Variants in SSH1 observed in about 807,000 individuals in gnomAD.
SSH1 encodes protein phosphatase Slingshot homolog 1.
SSH1 carries 43 observed loss-of-function variants against 79.7 expected under a neutral mutation model. That is an observed-to-expected ratio of 0.54 (90% CI 0.42 to 0.70). The LOEUF is 0.70. Among genes scored for constraint, SSH1 ranks in the 30% least tolerant of loss-of-function variants. The pLI is 0.00. For synonymous variants in SSH1, 599 were observed against 538.3 expected (o/e 1.11, Z -1.56); for missense variants, 1,206 against 1,358.8 (o/e 0.89, Z 1.77).
At chr12:108,800,967 G>A in intron 11 of SSH1, 41 bp from the exon 12 acceptor site, 1 of 1,583,216 alleles carries the variant, frequency 6.3e-7, no homozygotes, top group Non-Finnish European at 8.6e-7. Context: ...TGGACAATCT[G>A]AATGAGAAAG....
At position 108,828,550 on chromosome 12, in the gene SSH1, C is replaced by T. The variant is rs148450443; in HGVS notation, c.111-5189G>A. ...TGGATCACATCTTCCGTCCTTCTTC[C>T]CAGTGTGTGAATGCATCATGCGTGG... On this transcript the variant is annotated intron_variant, in intron 2 of 14. Transcript: ENST00000326495. 1.1e-4 allele frequency among the ~76,000 whole-genome samples: 16 copies of T among 152,284 alleles called. No homozygotes were observed. In the East Asian group the frequency reaches 3.1e-3, roughly 29 times the overall value.
Position 108,802,324 on chromosome 12 carries a change from T to G in SSH1, c.999A>C (p.Ser333=), listed in dbSNP as rs1249405332. The G allele has an allele frequency of 2.5e-6, 4 of 1,613,984 alleles. No homozygotes were observed. The Admixed American group carries it at 5.0e-5, about 20-fold the overall frequency. Residue 333 remains serine (S), a splice_region_variant and synonymous_variant, in exon 11 of 15, where the codon TCA becomes TCC. Transcript: ENST00000326495. Reference sequence around the variant, plus strand: ...AAAGACAAGGGGAGGAGACTCACCCTGAGCCCTGCAGTTCCTCCAGATTGG... The same window carrying G: ...AAAGACAAGGGGAGGAGACTCACCCGGAGCCCTGCAGTTCCTCCAGATTGG... ...NASNLEELQG[S]GVDYILNVTR...
intron 10 of SSH1, among the ~76,000 whole-genome samples, chr12:108,803,761 C>G (rs1346700175): frequency 2.0e-5 from 3 of 152,130 alleles, no homozygotes; most frequent in African/African-American, 7.2e-5. Context: ...CAACAGACTT[C>G]CAGGGAGATC....
chr12:108,794,323 C>T (rs528224563), intron 13 of SSH1, among the ~76,000 whole-genome samples: 1 of 152,310 alleles, frequency 6.6e-6, no homozygotes, highest in South Asian at 2.1e-4. Flanking sequence ...CCCCCACCAC[C>T]CCGTGTGGGT....
chr12:108,786,112 G>A lies in SSH1; in HGVS notation c.*1876C>T, dbSNP rs2036265540. On this transcript the variant is annotated 3_prime_UTR_variant, in exon 15 of 15. Coordinates refer to ENST00000326495, the MANE Select transcript of SSH1 (RefSeq NM_018984.4). ...AGCCTTGTTCCTGCAGATCCCTCCT[G>A]GGGTGCTTTCTAGAATAGCTTTGGG... 1 of 152,184 alleles carries A rather than the reference G, an allele frequency of 6.6e-6. No individual in the cohort carries two copies. Among genetic ancestry groups the A allele is most frequent in the Non-Finnish European group, 1.5e-5 (1 of 68,034 alleles). The allele number at this position is 152,184 out of a possible 1,614,324, so 9.4% of individuals were successfully genotyped here. A position where few individuals can be genotyped will look rare whatever the true frequency, so the allele number is the denominator to read the frequency against.
At chr12:108,843,091 A>G (rs2038817647) in intron 2 of SSH1, among the ~76,000 whole-genome samples, 1 of 152,098 alleles carries the variant, frequency 6.6e-6, no homozygotes, top group South Asian at 2.1e-4. Flanking sequence ...CCAGAGCAGG[A>G]ATTTTTATTT....
In SSH1 at chr12:108,809,889, G is replaced by C. The variant is rs2037489520; in HGVS notation, c.471-131C>G. Reference sequence around the variant, plus strand: ...AGCACATCTCAGGCCACATGATGAGGGATTTTACGGAACCCGCTTTCGCAG... The same window carrying C: ...AGCACATCTCAGGCCACATGATGAGCGATTTTACGGAACCCGCTTTCGCAG... On this transcript the variant is annotated intron_variant, in intron 6 of 14. Transcript: ENST00000326495. The C allele has an allele frequency of 1.0e-5, 8 of 782,278 alleles. No individual in the cohort carries two copies. In the South Asian group the frequency reaches 1.1e-4, roughly 11 times the overall value. The allele number at this position is 782,278 out of a possible 1,614,324, so 48.5% of individuals were successfully genotyped here.
intron 1 of SSH1, 178 bp from the exon 2 acceptor site, chr12:108,852,856 T>C: frequency 1.0e-6 from 1 of 985,432 alleles, no homozygotes; most frequent in Middle Eastern, 5.2e-4. Context: ...TGGAGTCATT[T>C]CCGTGGGGGA....
At chr12:108,809,622 G>T (rs376119890) in intron 7 of SSH1, 71 bp downstream of exon 7, 24 of 1,305,846 alleles carry the variant, frequency 1.8e-5, no homozygotes, top group Non-Finnish European at 2.0e-5. Flanking sequence ...TGGTAGAAGG[G>T]GTTTTTCTAT....
intron 2 of SSH1, among the ~76,000 whole-genome samples, chr12:108,835,867 A>G (rs2038592105): frequency 7.2e-6 from 1 of 138,524 alleles, no homozygotes; most frequent in African/African-American, 2.6e-5. Flanking sequence ...TATAGCATAT[A>G]TACATATTAT....
intron 2 of SSH1, among the ~76,000 whole-genome samples, chr12:108,829,536 G>A (rs1438314528): frequency 6.6e-6 from 1 of 152,172 alleles, no homozygotes; most frequent in Non-Finnish European, 1.5e-5. Context: ...GCTCTGATAA[G>A]GGCAAAGACA....
intron 1 of SSH1, among the ~76,000 whole-genome samples, chr12:108,855,114 C>A (rs1193377622): frequency 6.6e-6 from 1 of 152,034 alleles, no homozygotes; most frequent in Non-Finnish European, 1.5e-5. Flanking sequence ...AAATGTCCAA[C>A]AAAATGTGGT....
Position 108,857,568 on chromosome 12 carries a change from G to C in SSH1, c.-72C>G, listed in dbSNP as rs1566025291. 4.5e-6 allele frequency: 4 copies of C among 895,470 alleles called. No homozygotes were observed. Among genetic ancestry groups the C allele is most frequent in the South Asian group, 9.5e-5 (2 of 21,126 alleles). The allele number at this position is 895,470 out of a possible 1,614,324, so 55.5% of individuals were successfully genotyped here. The stretch of plus-strand genomic sequence containing the variant: ...CGCCACCGCCACCGCCGCCCGGGCC[G>C]GGCCCGGGGCCTCCTGGAGCCGCGC... On this transcript the variant is annotated 5_prime_UTR_variant, in exon 1 of 15. Transcript: ENST00000326495. This position sits in a 1 kb window ranked among gnomAD's most constrained non-coding sequence, Gnocchi z 4.7.
At chr12:108,795,211 G>A (rs748404622) in intron 13 of SSH1, among the ~76,000 whole-genome samples, 38 of 152,026 alleles carry the variant, frequency 2.5e-4, no homozygotes, top group Non-Finnish European at 4.3e-4. Context: ...TTGACAGATA[G>A]CACTCATGCA....
intron 13 of SSH1, among the ~76,000 whole-genome samples, chr12:108,793,464 G>A (rs2036605339): frequency 6.6e-6 from 1 of 150,604 alleles, no homozygotes; most frequent in South Asian, 2.1e-4. Context: ...GTGTGATCAC[G>A]GTTCACAGCA....
At chr12:108,847,214 ACACAACTACTC>A (rs1182286671) in intron 2 of SSH1, among the ~76,000 whole-genome samples, 6 of 152,116 alleles carry the variant, frequency 3.9e-5, no homozygotes, top group African/African-American at 7.2e-5. Flanking sequence ...AAGGAACATC[ACACAACTACTC>A]CACAACCCTG....
At chr12:108,823,129 C>T in intron 3 of SSH1, 129 bp downstream of exon 3, 1 of 850,098 alleles carries the variant, frequency 1.2e-6, no homozygotes, top group Non-Finnish European at 1.9e-6. Flanking sequence ...TCTGCCTGCA[C>T]TGGTCACTGC....
intron 4 of SSH1, 126 bp downstream of exon 4, chr12:108,818,123 A>C: frequency 6.5e-6 from 5 of 766,778 alleles, no homozygotes; most frequent in Non-Finnish European, 9.1e-6. Context: ...GCTTGAACCC[A>C]GGAGTTTGAG....
intron 10 of SSH1, 27 bp from the exon 11 acceptor site, chr12:108,802,395 G>A: frequency 6.2e-7 from 1 of 1,612,184 alleles, no homozygotes; most frequent in Non-Finnish European, 8.5e-7. Context: ...ACAAGCTCCT[G>A]TGAGTGTCAC....
Sources: gnomAD v4.1 joint callset for allele counts (sites outside exome capture counted in the v4.1 genomes callset) on GRCh38, gnomAD v4.1.1 for gene constraint, Gnocchi (gnomAD v3.1) non-coding constraint, MANE v1.5 for transcripts, NCBI Gene and HGNC (gene_info 2026-07-23, HGNC 2026-07-21) for gene names.